MIS18A: variants seen among roughly 807,000 people sequenced by gnomAD.
The protein encoded by MIS18A is protein Mis18-alpha.
A neutral mutation model predicts 25.0 loss-of-function variants in MIS18A; 14 were observed. The observed-to-expected ratio is 0.56, with a 90% CI of 0.37 to 0.88. MIS18A has a LOEUF of 0.88. Ranked by LOEUF, MIS18A falls within the 40% of genes least tolerant of loss-of-function variation. MIS18A has a pLI of 0.00. For synonymous variants in MIS18A, 134 were observed against 118.6 expected (o/e 1.13, Z -0.84); for missense variants, 292 against 290.8 (o/e 1.00, Z -0.03).
chr21:32,157,054 C>CTTTTTTTTTT, the MIS18A span, among the ~76,000 whole-genome samples: 1 of 121,552 alleles, frequency 8.2e-6, no homozygotes, highest in African/African-American at 3.0e-5. Context: ...TTCTTTCTTT[C>CTTTTTTTTTT]TTTTTTTTTT....
chr21:32,266,902 A>G (rs914961410), downstream of MIS18A, among the ~76,000 whole-genome samples: 1 of 152,230 alleles, frequency 6.6e-6, no homozygotes, highest in Middle Eastern at 3.4e-3. Flanking sequence ...TTTTCCAATT[A>G]TAAGAAACAA....
the MIS18A span, among the ~76,000 whole-genome samples, chr21:32,194,660 G>A: frequency 2.2e-5 from 3 of 137,308 alleles, no homozygotes; most frequent in Non-Finnish European, 3.2e-5. Context: ...ACTCCGTCTC[G>A]AATTAAAAAA....
rs764293569 is a variant in MIS18A at position 32,270,507 on chromosome 21, C to T, written c.424G>A (p.Ala142Thr). 1.3e-5 allele frequency: 21 copies of T among 1,597,388 alleles called. No individual in the cohort carries two copies. In the East Asian group the frequency reaches 1.4e-4, roughly 10 times the overall value. The change falls in exon 3 of 5, where the codon GCG (alanine) becomes ACG (threonine). Residue 142 changes from alanine (A) to threonine (T), a missense_variant. Ala to Thr is a moderately conservative substitution (Grantham distance 58, BLOSUM62 0). Coordinates refer to ENST00000290130, the MANE Select transcript of MIS18A (RefSeq NM_018944.3). Reference protein sequence around the residue: ...NGCVLETLCCAGCSLNLGYVY... With the variant: ...NGCVLETLCCTGCSLNLGYVY... ...TAGCCAAGATTGAGTGAGCACCCCG[C>T]GCAGCACAAAGTCTCAAGGACGCTG...
chr21:32,192,593 C>T, the MIS18A span, among the ~76,000 whole-genome samples: 3 of 152,222 alleles, frequency 2.0e-5, no homozygotes, highest in African/African-American at 7.2e-5. Flanking sequence ...CTCGTGGATT[C>T]ACCTCCCTCA....
the MIS18A span, among the ~76,000 whole-genome samples, chr21:32,239,199 C>T: frequency 6.6e-6 from 1 of 152,042 alleles, no homozygotes; most frequent in African/African-American, 2.4e-5. Context: ...CTTTTTCATC[C>T]CCAAGGTATC....
the MIS18A span, among the ~76,000 whole-genome samples, chr21:32,186,105 C>T: frequency 3.3e-5 from 5 of 152,148 alleles, no homozygotes; most frequent in Admixed American, 2.0e-4. Context: ...CAGCCCTAGA[C>T]AATGTGAAGG....
At chr21:32,272,534 T>C (rs1044142646) in intron 2 of MIS18A, among the ~76,000 whole-genome samples, 20 of 152,238 alleles carry the variant, frequency 1.3e-4, no homozygotes, top group African/African-American at 4.8e-4. Context: ...GGTTTGGTGC[T>C]AGACTGTCTT....
the MIS18A span, among the ~76,000 whole-genome samples, chr21:32,259,424 A>G: frequency 0.41 from 62,596 of 151,996 alleles, 15,185 homozygotes; most frequent in African/African-American, 0.68. Flanking sequence ...ACCTCAGCTC[A>G]AGGTCATCAT....
chr21:32,249,865 C>T, the MIS18A span, among the ~76,000 whole-genome samples: 1 of 152,142 alleles, frequency 6.6e-6, no homozygotes, highest in Non-Finnish European at 1.5e-5. Context: ...CTTCCAACAT[C>T]GGGGGTCACA....
At chr21:32,194,595 G>A in the MIS18A span, among the ~76,000 whole-genome samples, 2 of 152,044 alleles carry the variant, frequency 1.3e-5, no homozygotes, top group South Asian at 4.2e-4. Context: ...GGAGGCAGAG[G>A]TTTCGGTGAG....
At chr21:32,215,979 C>T in the MIS18A span, among the ~76,000 whole-genome samples, 9 of 152,182 alleles carry the variant, frequency 5.9e-5, no homozygotes, top group South Asian at 1.7e-3. Context: ...CTCTGTGGTG[C>T]CATCACCATA....
chr21:32,200,836 A>G, the MIS18A span, among the ~76,000 whole-genome samples: 1 of 152,280 alleles, frequency 6.6e-6, no homozygotes, highest in East Asian at 1.9e-4. Flanking sequence ...GTTACTGTAC[A>G]CTTAGAGCAC....
the MIS18A span, among the ~76,000 whole-genome samples, chr21:32,240,766 G>C: frequency 2.0e-5 from 1 of 50,812 alleles, no homozygotes; most frequent in Admixed American, 2.6e-4. Flanking sequence ...ACGCCCAAAA[G>C]ATGTGGTTTT....
At chr21:32,258,715 A>G in the MIS18A span, among the ~76,000 whole-genome samples, 1 of 152,198 alleles carries the variant, frequency 6.6e-6, no homozygotes, top group Admixed American at 6.5e-5. Context: ...GAAAGCCGGG[A>G]AGAACTGTCC....
the MIS18A span, among the ~76,000 whole-genome samples, chr21:32,206,621 C>G: frequency 1.3e-5 from 2 of 152,242 alleles, no homozygotes; most frequent in African/African-American, 4.8e-5. Flanking sequence ...ACACTGAAGA[C>G]TGATTTAACA....
At chr21:32,186,225 C>A in the MIS18A span, among the ~76,000 whole-genome samples, 1 of 152,160 alleles carries the variant, frequency 6.6e-6, no homozygotes, top group South Asian at 2.1e-4. Context: ...ATGATCATAA[C>A]GACTTGAGAG....
At chr21:32,178,978 G>T in the MIS18A span, among the ~76,000 whole-genome samples, 1 of 151,896 alleles carries the variant, frequency 6.6e-6, no homozygotes, top group Non-Finnish European at 1.5e-5. Context: ...CCAACCATTT[G>T]AGTTCCTAAT....
chr21:32,257,831 A>G, the MIS18A span, among the ~76,000 whole-genome samples: 8 of 152,114 alleles, frequency 5.3e-5, no homozygotes, highest in African/African-American at 1.4e-4. Flanking sequence ...CTGCATAATC[A>G]CTTAATGCAC....
chr21:32,256,986 C>T, the MIS18A span, among the ~76,000 whole-genome samples: 3 of 152,186 alleles, frequency 2.0e-5, no homozygotes, highest in Non-Finnish European at 4.4e-5. Context: ...TTAACAGCCA[C>T]ATCAGGACTG....
Sources: gnomAD v4.1 joint callset for allele counts (sites outside exome capture counted in the v4.1 genomes callset) on GRCh38, gnomAD v4.1.1 for gene constraint, MANE v1.5 for transcripts, NCBI Gene and HGNC (gene_info 2026-07-23, HGNC 2026-07-21) for gene names.